The following STXBP6 variants were observed in gnomAD, a reference collection of about 807,000 sequenced individuals.
STXBP6 encodes the protein syntaxin binding protein 6.
Under a neutral mutation model 26.9 loss-of-function variants are expected in STXBP6, and 21 were observed. That is an observed-to-expected ratio of 0.78 (90% confidence interval 0.55 to 1.12). The LOEUF is 1.12. Ranked by LOEUF, STXBP6 falls within the 50% of genes most tolerant of loss-of-function variation. The pLI, the probability that STXBP6 is intolerant of heterozygous loss-of-function variation, is 0.00. For synonymous variants in STXBP6, 97 were observed against 92.6 expected (o/e 1.05, Z -0.27); for missense variants, 232 against 257.9 (o/e 0.90, Z 0.69).
At chr14:24,901,144 A>AT (rs60109955) in intron 2 of STXBP6, among the ~76,000 whole-genome samples, 92,025 of 150,490 alleles carry the variant, frequency 0.61, 28,453 homozygotes, top group South Asian at 0.76. Flanking sequence ...TATAGACAGG[A>AT]TTTTTTTTTT....
intron 1 of STXBP6, among the ~76,000 whole-genome samples, chr14:25,003,504 T>G (rs1027099665): frequency 6.6e-6 from 1 of 152,170 alleles, no homozygotes; most frequent in African/African-American, 2.4e-5. Context: ...GAACCTTCAG[T>G]GAGTCAAGCA....
At chr14:24,988,462 G>C (rs927314003) in intron 1 of STXBP6, among the ~76,000 whole-genome samples, 3 of 152,180 alleles carry the variant, frequency 2.0e-5, no homozygotes, top group African/African-American at 7.2e-5. Context: ...GGCAAGTACA[G>C]TTTAATCTTT....
chr14:24,814,075 A>T (rs1012815159), intron 5 of STXBP6, among the ~76,000 whole-genome samples: 5 of 152,180 alleles, frequency 3.3e-5, no homozygotes, highest in African/African-American at 1.2e-4. Context: ...TGCAATGCTA[A>T]CGCCAATAGT....
At chr14:24,917,854 A>G (rs1040048336) in intron 2 of STXBP6, among the ~76,000 whole-genome samples, 2 of 152,078 alleles carry the variant, frequency 1.3e-5, no homozygotes, top group Admixed American at 6.6e-5. Flanking sequence ...ATATTACAAC[A>G]TGGATGACTT....
intron 2 of STXBP6, among the ~76,000 whole-genome samples, chr14:24,974,386 G>A (rs17109384): frequency 3.9e-5 from 6 of 152,136 alleles, no homozygotes; most frequent in East Asian, 1.9e-4. Flanking sequence ...CAGTGTCCCC[G>A]TGAGGGCAAG....
At chr14:24,905,954 G>A (rs1215437127) in intron 2 of STXBP6, among the ~76,000 whole-genome samples, 1 of 152,080 alleles carries the variant, frequency 6.6e-6, no homozygotes, top group Non-Finnish European at 1.5e-5. Flanking sequence ...ATAAGTAGTA[G>A]TTATAGAAAC....
At chr14:24,981,970 G>A (rs1465829855) in intron 1 of STXBP6, among the ~76,000 whole-genome samples, 1 of 152,164 alleles carries the variant, frequency 6.6e-6, no homozygotes, top group Non-Finnish European at 1.5e-5. Flanking sequence ...ATGAGCTCAT[G>A]AATTTGCAAT....
At chr14:24,879,884 G>A (rs2139416010) in intron 2 of STXBP6, among the ~76,000 whole-genome samples, 1 of 152,246 alleles carries the variant, frequency 6.6e-6, no homozygotes, top group South Asian at 2.1e-4. Context: ...GCCCGCTGAG[G>A]GTGTCTGGCT....
intron 1 of STXBP6, among the ~76,000 whole-genome samples, chr14:24,976,669 A>G (rs947233727): frequency 6.6e-6 from 1 of 152,116 alleles, no homozygotes; most frequent in African/African-American, 2.4e-5. Context: ...ACAATTTATC[A>G]GGGACTTTTA....
intron 1 of STXBP6, among the ~76,000 whole-genome samples, chr14:25,027,015 C>G (rs1246429294): frequency 6.6e-6 from 1 of 152,216 alleles, no homozygotes; most frequent in Non-Finnish European, 1.5e-5. Context: ...TAACTCCTAT[C>G]AGATTTCTAA....
At chr14:24,960,129 G>A (rs1362218093) in intron 2 of STXBP6, among the ~76,000 whole-genome samples, 1 of 152,218 alleles carries the variant, frequency 6.6e-6, no homozygotes, top group Admixed American at 6.5e-5. Context: ...AGTCCAGAGA[G>A]CAGCTGAATC....
chr14:24,955,572 T>G (rs978966977), intron 2 of STXBP6, among the ~76,000 whole-genome samples: 1 of 152,190 alleles, frequency 6.6e-6, no homozygotes, highest in Non-Finnish European at 1.5e-5. Flanking sequence ...CATTAATCAC[T>G]AGCAAGGCTG....
At chr14:24,962,157 T>A (rs891687048) in intron 2 of STXBP6, among the ~76,000 whole-genome samples, 1 of 152,172 alleles carries the variant, frequency 6.6e-6, no homozygotes, top group Non-Finnish European at 1.5e-5. Flanking sequence ...CAAACGTATA[T>A]AGAGATCAAA....
chr14:24,925,166 G>A (rs1381953218), intron 2 of STXBP6, among the ~76,000 whole-genome samples: 1 of 152,150 alleles, frequency 6.6e-6, no homozygotes, highest in Non-Finnish European at 1.5e-5. Context: ...TCATCAAATG[G>A]TAAATTACCT....
chr14:24,830,774 C>T (rs916271634), intron 4 of STXBP6, among the ~76,000 whole-genome samples: 1 of 151,716 alleles, frequency 6.6e-6, no homozygotes, highest in African/African-American at 2.4e-5. Context: ...GGGAGCAACA[C>T]GAAAGAGAGA....
intron 5 of STXBP6, 21 bp from the exon 6 acceptor site, chr14:24,812,753 GA>G: frequency 5.6e-6 from 9 of 1,613,308 alleles, no homozygotes; most frequent in Non-Finnish European, 7.6e-6. Context: ...AGAGGAATGA[GA>G]AAAGTAAGAC....
At position 24,819,055 on chromosome 14, in the gene STXBP6, A is replaced by C. The variant is rs764920286; in HGVS notation, c.591T>G (p.Phe197Leu). The change falls in exon 5 of 6, where the codon TTT becomes TTG. Residue 197 changes from phenylalanine to leucine, a missense_variant. By Grantham distance (22) the Phe-to-Leu change is conservative. Transcript: ENST00000323944. ...GGCCCACCTTGTGCGCAGTTTCTGC[A>C]AACTGCTGGGCGCTGTTCTTCAGGT... ...TEDLKNSAQQ[F>L]AETAHKLAMK... 1.3e-6 allele frequency: 2 copies of C among 1,598,008 alleles called. No homozygotes were observed. The highest frequency in any genetic ancestry group is 1.7e-5 in the Admixed American group (1 of 58,856).
Position 24,820,931 on chromosome 14 carries a change from G to A in STXBP6, c.452-1737C>T, listed in dbSNP as rs116963760. On this transcript the variant is annotated intron_variant, in intron 4 of 5. Transcript: ENST00000323944. ...AGCAATCACTAAGACAGAATTGTGC[G>A]CAGACTAGCATACAGATAGGTTTTG... Among the ~76,000 whole-genome samples, 128 of 152,256 alleles carry A rather than the reference G, an allele frequency of 8.4e-4. 5 individuals carry two copies. The East Asian group carries it at 0.022, about 27-fold the overall frequency.
intron 1 of STXBP6, among the ~76,000 whole-genome samples, chr14:24,980,494 T>C (rs536913224): frequency 1.3e-3 from 204 of 152,350 alleles, no homozygotes; most frequent in African/African-American, 4.9e-3. Context: ...CTACTAGTTC[T>C]TATAAGTAGA....
Sources: allele counts gnomAD v4.1 joint callset (sites outside exome capture counted in the v4.1 genomes callset), GRCh38; gene constraint gnomAD v4.1.1; transcripts MANE v1.5; gene names NCBI Gene and HGNC (gene_info 2026-07-23, HGNC 2026-07-21).